The following MFSD12 variants were observed in gnomAD, a reference collection of about 807,000 sequenced individuals.
MFSD12 encodes the protein major facilitator superfamily domain containing 12.
MFSD12 carries 67 observed loss-of-function variants against 51.2 expected under a neutral mutation model. The ratio of observed to expected loss-of-function variants is 1.31; its 90% CI spans 1.08 to 1.60. The LOEUF (loss-of-function observed/expected upper bound fraction) is 1.60, where lower values mean the gene tolerates loss of function less well. Among genes scored for constraint, MFSD12 ranks in the 40% most tolerant of loss-of-function variants. MFSD12 has a pLI of 0.00. For missense variants in MFSD12, 921 were observed against 673.0 expected, an observed-to-expected ratio of 1.37 and a Z score of -4.08; for synonymous variants, 441 against 316.7, an observed-to-expected ratio of 1.39 and a Z score of -4.17.
In MFSD12 at chr19:3,546,082, G is replaced by A. The variant is rs1405798029; in HGVS notation, c.1281C>T (p.His427=). The A allele has an allele frequency of 2.5e-6, 4 of 1,613,416 alleles. No homozygotes were observed. The highest frequency in any genetic ancestry group is 3.4e-6 in the Non-Finnish European group (4 of 1,179,972). ...CGAACAGCGGCACTCACGGGCAAGG[G>A]TGCAGGCTCTGGATGGCCATGACTG... The part of the protein sequence containing the change: ...GLAVMAIQSL[H]PCPSELCCRA... The change falls in exon 8 of 10, where the codon CAC becomes CAT. Residue 427 remains histidine, a synonymous_variant. Coordinates refer to ENST00000355415, the MANE Select transcript of MFSD12 (RefSeq NM_174983.5).
Position 3,546,367 on chromosome 19 carries a change from G to C in MFSD12, c.1082C>G (p.Ala361Gly). Residue 361 changes from alanine (A) to glycine (G), a missense_variant, in exon 7 of 10, where the codon GCG becomes GGG. Ala to Gly is a moderately conservative substitution (Grantham distance 60). Transcript: ENST00000355415. ...ILAFAAWVAL[A>G]EGLGVAVYAA... is the part of the protein sequence containing the mutation. ...GTACACGGCCACACCCAGTCCCTCC[G>C]CCAGCGCCACCCAGGCGGCAAAGGC... is the stretch of plus-strand genomic sequence containing the variant. 6.2e-7 allele frequency: 1 copy of C among 1,607,684 alleles called. No homozygotes were observed. Among genetic ancestry groups the C allele is most frequent in the African/African-American group, 1.3e-5 (1 of 74,994 alleles).
At position 3,546,432 on chromosome 19, in the gene MFSD12, G is replaced by A; in HGVS notation, c.1024-7C>T. On this transcript the variant is annotated splice_region_variant and splice_polypyrimidine_tract_variant and intron_variant, in intron 6 of 9. Coordinates refer to ENST00000355415, the MANE Select transcript of MFSD12 (RefSeq NM_174983.5). ...GGCCTGAGAAGTAGGTCATCTGCAGGGACAGCCCCGGGGTCAGGCCCACAC... is the reference window on the plus strand; with the variant it reads ...GGCCTGAGAAGTAGGTCATCTGCAGAGACAGCCCCGGGGTCAGGCCCACAC... 1 of 1,599,560 alleles carries A rather than the reference G, an allele frequency of 6.3e-7. No individual in the cohort carries two copies.
chr19:3,545,315 GCT>G (rs766622135), intron 8 of MFSD12, among the ~76,000 whole-genome samples: 44 of 152,314 alleles, frequency 2.9e-4, no homozygotes, highest in Non-Finnish European at 2.9e-5. Flanking sequence ...TCTGCCCACA[GCT>G]CTCTGTGAGT....
chr19:3,543,573 G>A (rs28375628), downstream of MFSD12: 398 of 1,539,554 alleles, frequency 2.6e-4, 2 homozygotes, highest in African/African-American at 3.8e-3. Flanking sequence ...CAGCACCTGC[G>A]GGAGACCGCC....
chr19:3,548,261 C>T lies in MFSD12; in HGVS notation c.516G>A (p.Ala172=), dbSNP rs377392933. Residue 172 remains alanine, a synonymous_variant, in exon 3 of 10, where the codon GCG becomes GCA. Transcript: ENST00000355415. ...CGGTGATGTTGGCCACCACGGTGAA[C>T]GCATACCTGGCGGGCAGGCGGGCAG... ...EKVELTALRY[A]FTVVANITVY... is the part of the protein sequence containing the mutation. The T allele has an allele frequency of 6.9e-5, 107 of 1,549,022 alleles. No individual in the cohort carries two copies. In the Middle Eastern group the frequency reaches 9.6e-4, roughly 14 times the overall value.
chr19:3,553,271 C>G (rs780742018), intron 1 of MFSD12, among the ~76,000 whole-genome samples: 1 of 152,000 alleles, frequency 6.6e-6, no homozygotes, highest in East Asian at 1.9e-4. Flanking sequence ...GCCTGGGGAC[C>G]TCGGGCAAGT....
chr19:3,539,228 C>T (rs1253700297), downstream of MFSD12: 8 of 1,550,656 alleles, frequency 5.2e-6, no homozygotes, highest in Admixed American at 7.8e-5. Flanking sequence ...CCTCGGGGAC[C>T]CTCGAGGCCA....
chr19:3,545,194 C>CCGGG (rs889323911), intron 8 of MFSD12, among the ~76,000 whole-genome samples: 3 of 152,190 alleles, frequency 2.0e-5, no homozygotes, highest in Non-Finnish European at 4.4e-5. Flanking sequence ...CCAGCATGGC[C>CCGGG]CGCCTGCACC....
intron 6 of MFSD12, 33 bp downstream of exon 6, chr19:3,547,239 C>A (rs369504818): frequency 5.4e-5 from 86 of 1,585,294 alleles, no homozygotes; most frequent in Non-Finnish European, 7.2e-5. Context: ...CCCCATCCTC[C>A]GCCCCAGCTG....
chr19:3,543,376 C>G (rs2030601248), downstream of MFSD12: 2 of 1,549,260 alleles, frequency 1.3e-6, no homozygotes, highest in East Asian at 2.4e-5. Flanking sequence ...CCTGGGAAGC[C>G]TGGTACAACC....
downstream of MFSD12, chr19:3,539,648 G>A (rs967834034): frequency 4.7e-5 from 10 of 212,874 alleles, no homozygotes; most frequent in African/African-American, 2.0e-4. Flanking sequence ...GGCACTCCTT[G>A]GCCCCCGGTC....
At position 3,547,282 on chromosome 19, in the gene MFSD12, A is replaced by T; in HGVS notation, c.1013T>A (p.Ile338Asn). 3 of 1,612,854 alleles carry T rather than the reference A, an allele frequency of 1.9e-6. No individual in the cohort carries two copies. Among genetic ancestry groups the T allele is most frequent in the Non-Finnish European group, 2.5e-6 (3 of 1,179,646 alleles). The change falls in exon 6 of 10, where the codon ATT becomes AAT. Residue 338 changes from isoleucine (I) to asparagine (N), a missense_variant. Ile to Asn is a moderately radical substitution (Grantham distance 149). Transcript: ENST00000355415. ...SFLMKPINKC[I>N]GRNMTYFSGL... ...TCCCCGCCCACTCACGTTCCTCCCA[A>T]TGCACTTGTTGATGGGCTTCATGAG...
chr19:3,540,927 T>C (rs1199926286), downstream of MFSD12, among the ~76,000 whole-genome samples: 1 of 137,590 alleles, frequency 7.3e-6, no homozygotes, highest in Non-Finnish European at 1.7e-5. Flanking sequence ...TCCCCACATT[T>C]TGGGAGGCCG....
intron 4 of MFSD12, chr19:3,538,873 G>C: frequency 1.6e-6 from 1 of 611,702 alleles, no homozygotes; most frequent in South Asian, 1.5e-5. Context: ...GGCAGGGGGA[G>C]ACAGAAGCCC....
At chr19:3,546,477 T>G in intron 6 of MFSD12, 52 bp from the exon 7 acceptor site, 1 of 1,544,496 alleles carries the variant, frequency 6.5e-7, no homozygotes, top group East Asian at 2.4e-5. Context: ...CCCCCAAGCC[T>G]GGCGCTTCAA....
intron 1 of MFSD12, among the ~76,000 whole-genome samples, chr19:3,555,251 G>A (rs1490273418): frequency 6.6e-6 from 1 of 152,162 alleles, no homozygotes; most frequent in African/African-American, 2.4e-5. Flanking sequence ...TGGGATTACA[G>A]GCGTGCGCCA....
intron 1 of MFSD12, among the ~76,000 whole-genome samples, chr19:3,555,059 G>T (rs1293973981): frequency 6.6e-6 from 1 of 152,210 alleles, no homozygotes; most frequent in Non-Finnish European, 1.5e-5. Flanking sequence ...GTCTGCTTTG[G>T]AAAAACATAA....
Position 3,544,672 on chromosome 19 carries a change from C to T in MFSD12, c.*38G>A, listed in dbSNP as rs944078340. 3.8e-6 allele frequency: 6 copies of T among 1,570,058 alleles called. No homozygotes were observed. The highest frequency in any genetic ancestry group is 1.7e-5 in the Admixed American group (1 of 57,294). ...CCTGGGGGGCATCCTCGTGCGTCCC[C>T]ACAGTTCCCTTGCACAGGTGCAGGA... On this transcript the variant is annotated 3_prime_UTR_variant, in exon 10 of 10. Transcript: ENST00000355415.
chr19:3,538,571 T>C, exon 5 of MFSD12: 1 of 404,138 alleles, frequency 2.5e-6, no homozygotes, highest in South Asian at 1.8e-5. Flanking sequence ...TCACTGAGCG[T>C]GACATCCTCA....
Sources: allele counts gnomAD v4.1 joint callset (sites outside exome capture counted in the v4.1 genomes callset), GRCh38; gene constraint gnomAD v4.1.1; transcripts MANE v1.5; gene names NCBI Gene and HGNC (gene_info 2026-07-23, HGNC 2026-07-21).